Variants in DENND4A observed in about 807,000 individuals in gnomAD.
DENND4A encodes DENN domain containing 4A.
Under a neutral mutation model 199.3 loss-of-function variants are expected in DENND4A, and 70 were observed. That is an observed-to-expected ratio of 0.35 (90% CI 0.29 to 0.43). The LOEUF (loss-of-function observed/expected upper bound fraction) is 0.43, where lower values mean the gene tolerates loss of function less well. DENND4A is among the 20% of genes least tolerant of loss of function. The probability of loss-of-function intolerance (pLI) is 1.00; values close to 1 mark genes in which losing one functional copy is unlikely to be tolerated. For synonymous variants in DENND4A, 686 were observed against 766.9 expected, an observed-to-expected ratio of 0.89 and a Z score of 1.74; for missense variants, 1,723 against 2,255.8, an observed-to-expected ratio of 0.76 and a Z score of 4.78.
At chr15:65,775,458 T>C (rs928571492) in intron 1 of DENND4A, among the ~76,000 whole-genome samples, 78 of 151,824 alleles carry the variant, frequency 5.1e-4, no homozygotes, top group African/African-American at 1.7e-3. Flanking sequence ...CTGGCCAACA[T>C]AGGGAAACCC....
chr15:65,668,783 T>C (rs2076127040), intron 27 of DENND4A, among the ~76,000 whole-genome samples: 1 of 151,316 alleles, frequency 6.6e-6, no homozygotes, highest in Admixed American at 6.6e-5. Flanking sequence ...ATTGCACCAC[T>C]GTACTCCAGT....
intron 13 of DENND4A, among the ~76,000 whole-genome samples, chr15:65,717,393 G>T (rs906648671): frequency 3.7e-4 from 57 of 152,216 alleles, no homozygotes; most frequent in African/African-American, 1.2e-3. Flanking sequence ...GAAAATATTT[G>T]TAAAGTATAC....
At chr15:65,709,380 A>T (rs1410949191) in intron 14 of DENND4A, among the ~76,000 whole-genome samples, 1 of 152,076 alleles carries the variant, frequency 6.6e-6, no homozygotes, top group Non-Finnish European at 1.5e-5. Context: ...GATACAATTA[A>T]CCTCTGCTCT....
At position 65,696,515 on chromosome 15, in the gene DENND4A, A is replaced by G. The variant is rs1476059324; in HGVS notation, c.2951-18T>C. 2 of 1,591,124 alleles carry G rather than the reference A, an allele frequency of 1.3e-6. No individual in the cohort carries two copies. Among genetic ancestry groups the G allele is most frequent in the Non-Finnish European group, 1.7e-6 (2 of 1,163,566 alleles). ...CTCTGACACTGTAAAGATGAAAATG[A>G]AAATGTTAATAAAATGAAATCTATA... On this transcript the variant is annotated intron_variant, in intron 21 of 32. Coordinates refer to ENST00000443035, the MANE Select transcript of DENND4A (RefSeq NM_001320835.1).
chr15:65,706,447 A>AACAC (rs77421887), intron 14 of DENND4A, among the ~76,000 whole-genome samples: 1,336 of 130,282 alleles, frequency 0.01, 16 homozygotes, highest in South Asian at 0.016. Flanking sequence ...AGGGGAAAAT[A>AACAC]ACACACACAC....
intron 12 of DENND4A, among the ~76,000 whole-genome samples, chr15:65,722,542 C>A (rs937589071): frequency 2.0e-5 from 3 of 151,842 alleles, no homozygotes; most frequent in Admixed American, 1.3e-4. Flanking sequence ...GTAAAATAAA[C>A]CACCTTAACA....
chr15:65,679,471 C>T (rs1356461043), intron 23 of DENND4A, among the ~76,000 whole-genome samples: 2 of 151,754 alleles, frequency 1.3e-5, no homozygotes, highest in Non-Finnish European at 2.9e-5. Context: ...TTTTTTGATA[C>T]TCTATCAAGT....
intron 2 of DENND4A, among the ~76,000 whole-genome samples, chr15:65,758,029 G>A (rs2076756030): frequency 1.3e-5 from 2 of 151,936 alleles, no homozygotes; most frequent in South Asian, 4.1e-4. Flanking sequence ...CCCTTGAAAA[G>A]TAAAACAGTT....
At position 65,659,696 on chromosome 15, in the gene DENND4A, T is replaced by C. The variant is rs8031179; in HGVS notation, c.*2155A>G. 0.57 allele frequency: 85,972 copies of C among 152,080 alleles called. 26,981 individuals carry two copies. The highest frequency in any genetic ancestry group is 0.84 in the African/African-American group (34,991 of 41,420). The allele number at this position is 152,080 out of a possible 1,614,324, so 9.4% of individuals were successfully genotyped here. A position where few individuals can be genotyped will look rare whatever the true frequency, so the allele number is the denominator to read the frequency against. On this transcript the variant is annotated 3_prime_UTR_variant, in exon 33 of 33. Transcript: ENST00000443035. ...TTGAACAGGTTTACCACTTTGTATT[T>C]GTGTTTTAGGTTTTAAGACTAAATC... is the stretch of plus-strand genomic sequence containing the variant.
intron 20 of DENND4A, among the ~76,000 whole-genome samples, chr15:65,697,758 T>C (rs28754459): frequency 0.56 from 85,390 of 152,034 alleles, 26,459 homozygotes; most frequent in African/African-American, 0.83. Context: ...GAGAAATCTG[T>C]AAAGAATTTA....
In DENND4A at chr15:65,690,968, G is replaced by A; in HGVS notation, c.3626C>T (p.Thr1209Ile). The change falls in exon 23 of 33, where the codon ACA becomes ATA. Residue 1209 changes from threonine (T) to isoleucine (I), a missense_variant. Around this residue, in one of 6 missense-constraint regions of DENND4A, gnomAD observed 650 missense variants for 738.1 expected, o/e 0.88. Coordinates refer to ENST00000443035, the MANE Select transcript of DENND4A (RefSeq NM_001320835.1). ...VKPFEKTDVA[T>I]GFDPLSLLVA... ...CAAAAGAGAGAGGGGATCAAATCCT[G>A]TTGCGACATCAGTTTTTTCAAAAGG... 6.2e-7 allele frequency: 1 copy of A among 1,603,486 alleles called. No homozygotes were observed. Among genetic ancestry groups the A allele is most frequent in the Non-Finnish European group, 8.5e-7 (1 of 1,174,452 alleles).
chr15:65,788,699 A>G (rs547420382), intron 1 of DENND4A, among the ~76,000 whole-genome samples: 156 of 152,080 alleles, frequency 1.0e-3, no homozygotes, highest in Non-Finnish European at 7.9e-4. Flanking sequence ...CTAAAAAAAT[A>G]CAAACATTAG....
At position 65,751,677 on chromosome 15, in the gene DENND4A, G is replaced by A. The variant is rs562178672; in HGVS notation, c.561+702C>T. On this transcript the variant is annotated intron_variant, in intron 4 of 32. Transcript: ENST00000443035. ...GAAAAAGCAAGAGAGTACCTAAGAA[G>A]AGAGTATATTTCTTCTTCATTGCAC... Among the ~76,000 whole-genome samples the A allele has an allele frequency of 1.3e-3, 195 of 152,290 alleles. 3 individuals carry two copies. Among genetic ancestry groups the A allele is most frequent in the African/African-American group, 4.4e-3 (182 of 41,568 alleles).
chr15:65,726,720 C>G (rs2140352687), intron 11 of DENND4A, among the ~76,000 whole-genome samples: 1 of 152,280 alleles, frequency 6.6e-6, no homozygotes, highest in Admixed American at 6.5e-5. Flanking sequence ...CTTTGGGAGG[C>G]CGAGGCAGGC....
chr15:65,661,951 C>T lies in DENND4A; in HGVS notation c.5624G>A (p.Arg1875His), dbSNP rs1011819687. The change falls in exon 33 of 33, where the codon CGT (arginine) becomes CAT (histidine). Residue 1875 changes from arginine to histidine, a missense_variant. Arg to His is a conservative substitution (Grantham distance 29, BLOSUM62 0). This residue lies in a region of DENND4A where 164 missense variants were observed against 280.1 expected (regional missense o/e 0.59). Coordinates refer to ENST00000443035, the MANE Select transcript of DENND4A (RefSeq NM_001320835.1). The stretch of plus-strand genomic sequence containing the variant: ...ACTCTTGACTTGACTAGGTGTGAGA[C>T]GATCGTATGCCATCTTGTACTCTTT... Reference protein sequence around the residue: ...FDKEYKMAYDRLTPSQVKSTH... With the variant: ...FDKEYKMAYDHLTPSQVKSTH... The T allele has an allele frequency of 3.7e-6, 6 of 1,612,942 alleles. No individual in the cohort carries two copies. Among genetic ancestry groups the T allele is most frequent in the Non-Finnish European group, 5.1e-6 (6 of 1,179,428 alleles).
chr15:65,788,170 A>G (rs946434671), intron 1 of DENND4A, among the ~76,000 whole-genome samples: 4 of 151,036 alleles, frequency 2.6e-5, no homozygotes, highest in Non-Finnish European at 5.9e-5. Context: ...TCCGCCTCCC[A>G]GGTTCACGCC....
Position 65,741,801 on chromosome 15 carries a change from A to T in DENND4A, c.562-17T>A. The T allele has an allele frequency of 6.3e-7, 1 of 1,593,510 alleles. No individual in the cohort carries two copies. Among genetic ancestry groups the T allele is most frequent in the Non-Finnish European group, 8.6e-7 (1 of 1,164,630 alleles). ...TGATCCCCACTGGATTTAAAAAAAT[A>T]GAAATATCATTTAATTTTTAAAAGG... On this transcript the variant is annotated splice_polypyrimidine_tract_variant and intron_variant, in intron 4 of 32. Transcript: ENST00000443035.
At chr15:65,729,017 T>C (rs922888568) in intron 11 of DENND4A, 55 bp downstream of exon 11, 2 of 1,438,978 alleles carry the variant, frequency 1.4e-6, no homozygotes, top group African/African-American at 2.8e-5. Context: ...TACAGTTACA[T>C]ACATATGCTA....
chr15:65,745,491 A>G (rs2140514699), intron 4 of DENND4A, among the ~76,000 whole-genome samples: 1 of 152,350 alleles, frequency 6.6e-6, no homozygotes, highest in East Asian at 1.9e-4. Context: ...CATAAGCAAC[A>G]TTTAACACAC....
Sources: gnomAD v4.1 joint callset for allele counts (sites outside exome capture counted in the v4.1 genomes callset) on GRCh38, gnomAD v4.1.1 for gene constraint, gnomAD v4.1.1 regional missense constraint, MANE v1.5 for transcripts, NCBI Gene and HGNC (gene_info 2026-07-23, HGNC 2026-07-21) for gene names.